The following TNNI3K variants were observed in gnomAD, a reference collection of about 807,000 sequenced individuals.
TNNI3K encodes the protein TNNI3 interacting kinase.
Under a neutral mutation model 114.5 loss-of-function variants are expected in TNNI3K, and 140 were observed. The observed-to-expected ratio is 1.22, with a 90% CI of 1.07 to 1.41. The LOEUF (loss-of-function observed/expected upper bound fraction) is 1.41, where lower values mean the gene tolerates loss of function less well. Ranked by LOEUF, TNNI3K falls within the 40% of genes most tolerant of loss-of-function variation. The pLI is 0.00. For missense variants in TNNI3K, 1,125 were observed against 1,007.6 expected, an observed-to-expected ratio of 1.12 and a Z score of -1.58; for synonymous variants, 347 against 347.5, an observed-to-expected ratio of 1.00 and a Z score of 0.02.
At chr1:74,454,800 C>T (rs1473252636) in intron 20 of TNNI3K, among the ~76,000 whole-genome samples, 1 of 152,094 alleles carries the variant, frequency 6.6e-6, no homozygotes, top group South Asian at 2.1e-4. Context: ...CCATGCTGTT[C>T]TCCATCTCAG....
At chr1:74,392,122 T>C (rs533845619) in intron 17 of TNNI3K, among the ~76,000 whole-genome samples, 44 of 152,216 alleles carry the variant, frequency 2.9e-4, no homozygotes, top group African/African-American at 1.0e-3. Flanking sequence ...TATCAAGATA[T>C]TAAATGCACT....
chr1:74,338,301 G>A (rs1013375515), intron 7 of TNNI3K, among the ~76,000 whole-genome samples: 1 of 151,782 alleles, frequency 6.6e-6, no homozygotes, highest in African/African-American at 2.4e-5. Flanking sequence ...AGAATACATA[G>A]AAGGACTTCA....
chr1:74,317,475 G>A (rs537153649), intron 5 of TNNI3K, among the ~76,000 whole-genome samples: 65 of 152,262 alleles, frequency 4.3e-4, no homozygotes, highest in African/African-American at 1.5e-3. Flanking sequence ...AGATTTCTGG[G>A]GAGAGGAAAT....
intron 5 of TNNI3K, 105 bp downstream of exon 5, chr1:74,271,813 T>C (rs1656370840): frequency 3.0e-6 from 3 of 993,826 alleles, no homozygotes; most frequent in East Asian, 5.2e-5. Context: ...CAAGTTGGTT[T>C]ATTTTTTAGC....
At chr1:74,296,225 G>A (rs1160464000) in intron 5 of TNNI3K, among the ~76,000 whole-genome samples, 3 of 151,388 alleles carry the variant, frequency 2.0e-5, no homozygotes, top group Admixed American at 1.3e-4. Flanking sequence ...GCAGTGAGCG[G>A]AGATCGCGCC....
intron 6 of TNNI3K, among the ~76,000 whole-genome samples, chr1:74,332,553 G>A (rs957723866): frequency 6.6e-6 from 1 of 152,156 alleles, no homozygotes; most frequent in African/African-American, 2.4e-5. Flanking sequence ...TCCTGCCTCG[G>A]CCTCCTGAAG....
At chr1:74,370,472 T>C (rs927331300) in intron 17 of TNNI3K, 80 bp downstream of exon 17, 6 of 1,293,308 alleles carry the variant, frequency 4.6e-6, no homozygotes, top group East Asian at 2.5e-5. Context: ...AGATACATTT[T>C]AGACTTATTG....
chr1:74,281,092 G>A (rs906366205), intron 5 of TNNI3K, among the ~76,000 whole-genome samples: 39 of 152,236 alleles, frequency 2.6e-4, no homozygotes, highest in Non-Finnish European at 3.7e-4. Context: ...AACCCAGTGC[G>A]CTGAAGGGAA....
At chr1:74,353,138 C>A in intron 9 of TNNI3K, 128 bp from the exon 10 acceptor site, 2 of 956,752 alleles carry the variant, frequency 2.1e-6, no homozygotes, top group Non-Finnish European at 3.1e-6. Context: ...TCCCTAAATA[C>A]AGTCTCATTG....
At chr1:74,317,766 A>G (rs2100372406) in intron 5 of TNNI3K, among the ~76,000 whole-genome samples, 1 of 152,244 alleles carries the variant, frequency 6.6e-6, no homozygotes, top group East Asian at 1.9e-4. Context: ...TAGTGGGAAT[A>G]GAGTCTATCC....
At chr1:74,483,301 T>C (rs983051064) in intron 21 of TNNI3K, 5 of 717,444 alleles carry the variant, frequency 7.0e-6, no homozygotes, top group Non-Finnish European at 1.3e-5. Context: ...GTTACATCTT[T>C]GGTGCACACC....
chr1:74,495,799 A>G (rs1447375473), intron 23 of TNNI3K, among the ~76,000 whole-genome samples: 1 of 152,200 alleles, frequency 6.6e-6, no homozygotes, highest in Non-Finnish European at 1.5e-5. Context: ...TTTTGCCAAT[A>G]CTTGTATTTG....
intron 23 of TNNI3K, among the ~76,000 whole-genome samples, chr1:74,496,841 C>G (rs1348131202): frequency 6.6e-6 from 1 of 152,140 alleles, no homozygotes; most frequent in Non-Finnish European, 1.5e-5. Context: ...GAAATCCCAT[C>G]TTGTACATGG....
chr1:74,438,214 G>A (rs1162931799), intron 19 of TNNI3K, among the ~76,000 whole-genome samples: 1 of 151,764 alleles, frequency 6.6e-6, no homozygotes, highest in Non-Finnish European at 1.5e-5. Flanking sequence ...GGCATACTGT[G>A]TACCTGCTCC....
chr1:74,500,252 T>C (rs1386500988), intron 23 of TNNI3K, among the ~76,000 whole-genome samples: 1 of 152,120 alleles, frequency 6.6e-6, no homozygotes, highest in East Asian at 1.9e-4. Context: ...TTATTTAGGC[T>C]TACCTCATGT....
intron 17 of TNNI3K, among the ~76,000 whole-genome samples, chr1:74,409,492 C>CTTTTTTTTTTT (rs540218540): frequency 2.6e-4 from 32 of 124,910 alleles, no homozygotes; most frequent in Non-Finnish European, 3.3e-4. Context: ...CTATTTGTTT[C>CTTTTTTTTTTT]TTTTTTTTTT....
rs756755585 is a variant in TNNI3K at position 74,521,744 on chromosome 1, G to A, written c.2352-18490G>A. Among the ~76,000 whole-genome samples, 69 of 152,240 alleles carry A rather than the reference G, an allele frequency of 4.5e-4. 1 individual carries two copies. The highest frequency in any genetic ancestry group is 1.6e-3 in the Admixed American group (24 of 15,270). ...GCGTGATAAATTTATGATAAGAAGG[G>A]CACAGGGTCTCATAAATGAATACAT... On this transcript the variant is annotated intron_variant, in intron 23 of 24. Coordinates refer to ENST00000326637, the MANE Select transcript of TNNI3K (RefSeq NM_015978.3).
intron 17 of TNNI3K, among the ~76,000 whole-genome samples, chr1:74,413,472 G>A (rs1414843111): frequency 6.6e-6 from 1 of 152,090 alleles, no homozygotes; most frequent in East Asian, 1.9e-4. Context: ...TTACGGTAGA[G>A]CCACATATTG....
intron 23 of TNNI3K, among the ~76,000 whole-genome samples, chr1:74,498,478 G>A (rs74791190): frequency 0.011 from 1,721 of 151,904 alleles, 32 homozygotes; most frequent in African/African-American, 0.04. Context: ...CTTCTTTTTT[G>A]TTTTGTTCAG....
Sources: allele counts gnomAD v4.1 joint callset (sites outside exome capture counted in the v4.1 genomes callset), GRCh38; gene constraint gnomAD v4.1.1; transcripts MANE v1.5; gene names NCBI Gene and HGNC (gene_info 2026-07-23, HGNC 2026-07-21).